The following EHBP1L1 variants were observed in gnomAD, a reference collection of about 807,000 sequenced individuals.
EHBP1L1 encodes EH domain binding protein 1 like 1.
Under a neutral mutation model 151.1 loss-of-function variants are expected in EHBP1L1, and 122 were observed. The ratio of observed to expected loss-of-function variants is 0.81; its 90% CI spans 0.70 to 0.94. The LOEUF is 0.94. EHBP1L1 is among the 40% of genes least tolerant of loss of function. EHBP1L1 has a pLI of 0.00. For synonymous variants in EHBP1L1, 878 were observed against 810.1 expected, an observed-to-expected ratio of 1.08 and a Z score of -1.42; for missense variants, 1,941 against 1,959.8, an observed-to-expected ratio of 0.99 and a Z score of 0.18.
chr11:65,576,377 C>T lies in EHBP1L1; in HGVS notation c.75C>T (p.His25=). The change falls in exon 1 of 19, where the codon CAC becomes CAT. Residue 25 remains histidine, a synonymous_variant. Transcript: ENST00000309295. ...AGTTCCAGTTCGTGGCCTGTTACCACGAGCTAGTGTTGGAGTGCACCAAGA... is the reference window on the plus strand; with the variant it reads ...AGTTCCAGTTCGTGGCCTGTTACCATGAGCTAGTGTTGGAGTGCACCAAGA... ...AAKFQFVACY[H]ELVLECTKKW... 3 of 1,593,598 alleles carry T rather than the reference C, an allele frequency of 1.9e-6. No individual in the cohort carries two copies. Among genetic ancestry groups the T allele is most frequent in the Non-Finnish European group, 2.6e-6 (3 of 1,170,506 alleles).
chr11:65,579,542 C>CG, intron 3 of EHBP1L1, 106 bp downstream of exon 3: 3 of 974,890 alleles, frequency 3.1e-6, no homozygotes, highest in Non-Finnish European at 4.3e-6. Flanking sequence ...GAAGAGGATG[C>CG]GGGGGGTGAG....
In EHBP1L1 at chr11:65,576,322, G is replaced by A. The variant is rs543818613; in HGVS notation, c.20G>A (p.Arg7His). Reference protein sequence around the residue: MTSVWKRLQRVGKRAAK... With the variant: MTSVWKHLQRVGKRAAK... The stretch of plus-strand genomic sequence containing the variant: ...GGGGCCATGACCTCGGTGTGGAAGC[G>A]CCTGCAGCGCGTGGGCAAGCGGGCG... The change falls in exon 1 of 19, where the codon CGC becomes CAC. Residue 7 changes from arginine (R) to histidine (H), a missense_variant. By Grantham distance (29) the Arg-to-His change is conservative. Coordinates refer to ENST00000309295, the MANE Select transcript of EHBP1L1 (RefSeq NM_001099409.3). 4 of 1,596,122 alleles carry A rather than the reference G, an allele frequency of 2.5e-6. No homozygotes were observed. The South Asian group carries it at 4.5e-5, about 18-fold the overall frequency.
At chr11:65,580,913 T>A in intron 6 of EHBP1L1, 145 bp from the exon 7 acceptor site, 1 of 1,436,558 alleles carries the variant, frequency 7.0e-7, no homozygotes, top group South Asian at 1.5e-5. Context: ...TCTGTGGGCC[T>A]GTCTCTTCTC....
At position 65,581,661 on chromosome 11, in the gene EHBP1L1, C is replaced by T. The variant is rs1293931598; in HGVS notation, c.989C>T (p.Ala330Val). 2.6e-6 allele frequency: 4 copies of T among 1,562,724 alleles called. No individual in the cohort carries two copies. The highest frequency in any genetic ancestry group is 1.2e-5 in the South Asian group (1 of 85,236). ...GATGAGGTCCCCAAAGCCTCAGGGG[C>T]TCCTCCAGCAGGATTGGGCTCTGCT... ...GEDEVPKASG[A>V]PPAGLGSARE... Residue 330 changes from alanine to valine, a missense_variant, in exon 9 of 19, where the codon GCT becomes GTT. Coordinates refer to ENST00000309295, the MANE Select transcript of EHBP1L1 (RefSeq NM_001099409.3).
chr11:65,579,695 C>T (rs1429268592), intron 3 of EHBP1L1, among the ~76,000 whole-genome samples: 4 of 151,860 alleles, frequency 2.6e-5, no homozygotes, highest in East Asian at 1.9e-4. Context: ...GCAACCACCG[C>T]GTGCACCTGT....
rs772532658 is a variant in EHBP1L1, at chr11:65,580,332, C to G, written c.492-5C>G. 1 of 1,613,752 alleles carries G rather than the reference C, an allele frequency of 6.2e-7. No homozygotes were observed. On this transcript the variant is annotated splice_polypyrimidine_tract_variant and splice_region_variant and intron_variant, in intron 5 of 18. Coordinates refer to ENST00000309295, the MANE Select transcript of EHBP1L1 (RefSeq NM_001099409.3). ...CCACCCTCACCTTTAACCTCTGCCTCCCAGGGACGATGACATGCAGAGTCT... is the reference window on the plus strand; with the variant it reads ...CCACCCTCACCTTTAACCTCTGCCTGCCAGGGACGATGACATGCAGAGTCT...
rs1343208482 is a variant in EHBP1L1, at chr11:65,582,248, G to A, written c.1576G>A (p.Gly526Ser). 2 of 1,527,212 alleles carry A rather than the reference G, an allele frequency of 1.3e-6. No individual in the cohort carries two copies. Among genetic ancestry groups the A allele is most frequent in the South Asian group, 2.6e-5 (2 of 75,920 alleles). 94.6% of individuals were successfully genotyped at this position (1,527,212 alleles called of 1,614,324 possible). A position where few individuals can be genotyped will look rare whatever the true frequency, so the allele number is the denominator to read the frequency against. Residue 526 changes from glycine (G) to serine (S), a missense_variant, in exon 9 of 19, where the codon GGC (glycine) becomes AGC (serine). Gly to Ser is a moderately conservative substitution (Grantham distance 56, BLOSUM62 0). Coordinates refer to ENST00000309295, the MANE Select transcript of EHBP1L1 (RefSeq NM_001099409.3). ...PGIEGTGLEQ[G>S]PSVGAISTRP... ...TATTGAGGGGACAGGCCTGGAGCAG[G>A]GCCCTTCTGTTGGAGCAATAAGCAC...
At chr11:65,584,752 C>CCGTTACCAAAGGGTGGT in intron 11 of EHBP1L1, 1 of 974,904 alleles carries the variant, frequency 1.0e-6, no homozygotes, top group South Asian at 1.7e-5. Context: ...CAAAACCACC[C>CCGTTACCAAAGGGTGGT]TTTGGTAACG....
chr11:65,591,643 G>A (rs1298231420), intron 16 of EHBP1L1, 157 bp from the exon 17 acceptor site: 4 of 680,250 alleles, frequency 5.9e-6, no homozygotes, highest in Non-Finnish European at 1.1e-5. Flanking sequence ...AATGTGGTCT[G>A]GAGACTAGAG....
chr11:65,592,381 C>A lies in EHBP1L1; in HGVS notation c.*79C>A, dbSNP rs1227935394. ...CCCCGGGCCTGCGCTGCGGACGACC[C>A]GGCCGTCCCGGAGGCCGCGCGCGTG... On this transcript the variant is annotated 3_prime_UTR_variant, in exon 19 of 19. Transcript: ENST00000309295. 5.4e-6 allele frequency: 6 copies of A among 1,106,006 alleles called. No individual in the cohort carries two copies. Among genetic ancestry groups the A allele is most frequent in the Admixed American group, 5.1e-5 (1 of 19,768 alleles). 68.5% of individuals were successfully genotyped at this position (1,106,006 alleles called of 1,614,324 possible).
chr11:65,588,841 G>A lies in EHBP1L1; in HGVS notation c.3934-910G>A, dbSNP rs185728605. 2.0e-5 allele frequency among the ~76,000 whole-genome samples: 3 copies of A among 152,324 alleles called. No homozygotes were observed. The East Asian group carries it at 5.8e-4, about 29-fold the overall frequency. ...CTGTGTGTGTGAGCATGCAGCAGCC[G>A]CTCCTGGGTGTGGGAACTGAAAAGG... On this transcript the variant is annotated intron_variant, in intron 12 of 18. Coordinates refer to ENST00000309295, the MANE Select transcript of EHBP1L1 (RefSeq NM_001099409.3).
intron 3 of EHBP1L1, 115 bp from the exon 4 acceptor site, chr11:65,579,821 C>T (rs898823936): frequency 1.1e-5 from 11 of 992,068 alleles, no homozygotes; most frequent in African/African-American, 9.6e-5. Flanking sequence ...AGGAAGACTC[C>T]GTCTCAAAAA....
rs1279110397 is a variant in EHBP1L1, at chr11:65,579,008, G to A, written c.105-70G>A. On this transcript the variant is annotated intron_variant, in intron 1 of 18. Coordinates refer to ENST00000309295, the MANE Select transcript of EHBP1L1 (RefSeq NM_001099409.3). ...GAGGGAGCTGGGGGAGGAGGAAGAG[G>A]AGATGGGGAGGCAGGTGAGCCTGAC... is the stretch of plus-strand genomic sequence containing the variant. The A allele has an allele frequency of 5.6e-6, 8 of 1,435,622 alleles. No individual in the cohort carries two copies. In the Admixed American group the frequency reaches 9.9e-5, roughly 18 times the overall value. 88.9% of individuals were successfully genotyped at this position (1,435,622 alleles called of 1,614,324 possible).
intron 12 of EHBP1L1, 43 bp from the exon 13 acceptor site, chr11:65,589,708 G>T: frequency 6.7e-7 from 1 of 1,492,172 alleles, no homozygotes; most frequent in Non-Finnish European, 8.9e-7. Flanking sequence ...GCCCAGGCTG[G>T]TGGGAAACCC....
intron 9 of EHBP1L1, 109 bp downstream of exon 9, chr11:65,583,874 T>C: frequency 3.5e-6 from 5 of 1,422,994 alleles, no homozygotes; most frequent in South Asian, 1.6e-5. Context: ...TCGGGTGGGG[T>C]GGGGGGCTCA....
rs1857681382 is a variant in EHBP1L1 at position 65,582,624 on chromosome 11, T to C, written c.1952T>C (p.Leu651Ser). The change falls in exon 9 of 19, where the codon TTG becomes TCG. Residue 651 changes from leucine to serine, a missense_variant. Coordinates refer to ENST00000309295, the MANE Select transcript of EHBP1L1 (RefSeq NM_001099409.3). ...IETPGTETEV[L>S]GTQKTEAGGS... ...ACCCCAGGGACAGAGACTGAGGTAT[T>C]GGGGACCCAGAAAACAGAAGCTGGG... 2 of 1,613,308 alleles carry C rather than the reference T, an allele frequency of 1.2e-6. No homozygotes were observed. Among genetic ancestry groups the C allele is most frequent in the Non-Finnish European group, 1.7e-6 (2 of 1,179,830 alleles).
chr11:65,588,394 G>A (rs993418341), intron 12 of EHBP1L1, among the ~76,000 whole-genome samples: 1 of 152,184 alleles, frequency 6.6e-6, no homozygotes, highest in Admixed American at 6.5e-5. Flanking sequence ...GAGGCTGGGG[G>A]GCTGAGGAGA....
Position 65,585,217 on chromosome 11 carries a change from G to T in EHBP1L1, c.3559G>T (p.Ala1187Ser). The T allele has an allele frequency of 8.7e-7, 1 of 1,145,604 alleles. No homozygotes were observed. Among genetic ancestry groups the T allele is most frequent in the Non-Finnish European group, 1.1e-6 (1 of 932,162 alleles). The allele number at this position is 1,145,604 out of a possible 1,614,324, so 71.0% of individuals were successfully genotyped here. Residue 1187 changes from alanine to serine, a missense_variant, in exon 12 of 19, where the codon GCC becomes TCC. Ala to Ser is a moderately conservative substitution (Grantham distance 99). Transcript: ENST00000309295. The surrounding 1 kb of genome is among the most constrained non-coding windows in gnomAD (Gnocchi z 4.0). ...GLAQRLRGHG[A>S]EGPQEPKEAA... The stretch of plus-strand genomic sequence containing the variant: ...GGCGCAGCGGCTGCGCGGTCACGGG[G>T]CCGAGGGGCCCCAGGAGCCCAAGGA...
chr11:65,583,866 G>T, intron 9 of EHBP1L1, 101 bp downstream of exon 9: 2 of 1,425,140 alleles, frequency 1.4e-6, no homozygotes, highest in South Asian at 1.6e-5. Flanking sequence ...GAATGGGATC[G>T]GGTGGGGTGG....
Sources: gnomAD v4.1 joint callset for allele counts (sites outside exome capture counted in the v4.1 genomes callset) on GRCh38, gnomAD v4.1.1 for gene constraint, Gnocchi (gnomAD v3.1) non-coding constraint, MANE v1.5 for transcripts, NCBI Gene and HGNC (gene_info 2026-07-23, HGNC 2026-07-21) for gene names.